Variants in DSCAM observed in about 807,000 individuals in gnomAD.
DSCAM encodes DS cell adhesion molecule.
A neutral mutation model predicts 217.7 loss-of-function variants in DSCAM; 47 were observed. That is an observed-to-expected ratio of 0.22 (90% CI 0.17 to 0.28). The LOEUF (loss-of-function observed/expected upper bound fraction) is 0.28, where lower values mean the gene tolerates loss of function less well. Ranked by LOEUF, DSCAM falls within the 10% of genes least tolerant of loss-of-function variation. The probability of loss-of-function intolerance (pLI) is 1.00; values close to 1 mark genes in which losing one functional copy is unlikely to be tolerated. For synonymous variants in DSCAM, 1,056 were observed against 1,015.3 expected, an observed-to-expected ratio of 1.04 and a Z score of -0.76; for missense variants, 2,080 against 2,618.3, an observed-to-expected ratio of 0.79 and a Z score of 4.49.
chr21:40,121,681 C>CTTTTTTTT (rs201672838), intron 20 of DSCAM, among the ~76,000 whole-genome samples: 1,166 of 73,666 alleles, frequency 0.016, 179 homozygotes, highest in Non-Finnish European at 0.024. Flanking sequence ...TCATTACTGT[C>CTTTTTTTT]TTTTTTTTTT....
At chr21:40,579,825 A>AG (rs1360534019) in intron 3 of DSCAM, among the ~76,000 whole-genome samples, 1 of 113,040 alleles carries the variant, frequency 8.8e-6, no homozygotes, top group African/African-American at 3.0e-5. Flanking sequence ...TCAGACCTTC[A>AG]CCACAAAAAA....
Position 40,168,183 on chromosome 21 carries a change from T to G in DSCAM, c.2948-895A>C, listed in dbSNP as rs117358643. 2.0e-5 allele frequency among the ~76,000 whole-genome samples: 3 copies of G among 152,318 alleles called. No individual in the cohort carries two copies. In the East Asian group the frequency reaches 5.8e-4, roughly 29 times the overall value. On this transcript the variant is annotated intron_variant, in intron 15 of 32. Transcript: ENST00000400454. ...GCAATTTAAAGCAACCTATTTCTGC[T>G]GAGTGTGCAATAAGTCAGTGGGCCA...
At chr21:40,636,244 AGACATTTATGCGG>A (rs1369820776) in intron 3 of DSCAM, among the ~76,000 whole-genome samples, 3 of 152,080 alleles carry the variant, frequency 2.0e-5, no homozygotes, top group Non-Finnish European at 4.4e-5. Flanking sequence ...CACGGAGCCA[AGACATTTATGCGG>A]AGCTCAAAGG....
At chr21:40,279,206 A>T (rs1429154355) in intron 10 of DSCAM, among the ~76,000 whole-genome samples, 3 of 152,230 alleles carry the variant, frequency 2.0e-5, no homozygotes, top group Non-Finnish European at 4.4e-5. Context: ...GTATTTTATA[A>T]AGTGAGACTA....
chr21:40,117,296 C>A lies in DSCAM; in HGVS notation c.3696+6899G>T, dbSNP rs115135108. ...ACAATACCAGGTTTGCCAGTCTATG[C>A]CCATGTCTAACAATAACGCAAGAGA... On this transcript the variant is annotated intron_variant, in intron 20 of 32. Coordinates refer to ENST00000400454, the MANE Select transcript of DSCAM (RefSeq NM_001389.5). 5.1e-3 allele frequency among the ~76,000 whole-genome samples: 782 copies of A among 152,204 alleles called. 9 individuals are homozygous for A. Among genetic ancestry groups the A allele is most frequent in the African/African-American group, 0.017 (724 of 41,520 alleles).
At chr21:40,059,541 T>G (rs2089081777) in intron 28 of DSCAM, among the ~76,000 whole-genome samples, 1 of 152,214 alleles carries the variant, frequency 6.6e-6, no homozygotes, top group Non-Finnish European at 1.5e-5. Flanking sequence ...GGGTATGTTC[T>G]GCTGTCCAAT....
intron 3 of DSCAM, among the ~76,000 whole-genome samples, chr21:40,447,427 C>T (rs1039127067): frequency 6.6e-5 from 10 of 152,194 alleles, no homozygotes; most frequent in African/African-American, 2.4e-4. Context: ...GGTACCATTA[C>T]TGTTCGTGTG....
chr21:40,303,967 C>A (rs921114461), intron 9 of DSCAM, among the ~76,000 whole-genome samples: 3 of 152,102 alleles, frequency 2.0e-5, no homozygotes, highest in African/African-American at 7.2e-5. Context: ...CTAGAGACCA[C>A]AACAGGAAGC....
chr21:40,035,635 G>C (rs1371754963), intron 32 of DSCAM, among the ~76,000 whole-genome samples: 1 of 148,400 alleles, frequency 6.7e-6, no homozygotes, highest in African/African-American at 2.6e-5. Flanking sequence ...GGATACCCAG[G>C]AATTGAACTC....
At chr21:40,211,392 T>C (rs1333686342) in intron 11 of DSCAM, among the ~76,000 whole-genome samples, 2 of 152,222 alleles carry the variant, frequency 1.3e-5, no homozygotes, top group African/African-American at 4.8e-5. Context: ...TTCTTTGGGA[T>C]AAATGCTTAA....
chr21:40,148,091 C>A (rs1423959087), intron 16 of DSCAM, among the ~76,000 whole-genome samples: 3 of 152,102 alleles, frequency 2.0e-5, no homozygotes, highest in African/African-American at 4.8e-5. Context: ...TCACAAGGAA[C>A]AAACAAGAGA....
intron 2 of DSCAM, among the ~76,000 whole-genome samples, chr21:40,705,062 G>C (rs1260433735): frequency 6.6e-6 from 1 of 152,172 alleles, no homozygotes; most frequent in Non-Finnish European, 1.5e-5. Flanking sequence ...GGATGATTTA[G>C]CAGGATTCTT....
chr21:40,468,366 T>C (rs1465738940), intron 3 of DSCAM, among the ~76,000 whole-genome samples: 1 of 152,070 alleles, frequency 6.6e-6, no homozygotes, highest in Non-Finnish European at 1.5e-5. Context: ...GTTAATTTCA[T>C]AGCAGAGACA....
At position 40,142,606 on chromosome 21, in the gene DSCAM, T is replaced by C; in HGVS notation, c.3358A>G (p.Ile1120Val). 2 of 1,614,170 alleles carry C rather than the reference T, an allele frequency of 1.2e-6. No individual in the cohort carries two copies. The highest frequency in any genetic ancestry group is 1.7e-6 in the Non-Finnish European group (2 of 1,180,012). Residue 1120 changes from isoleucine (I) to valine (V), a missense_variant, in exon 18 of 33, where the codon ATT becomes GTT. By Grantham distance (29) the Ile-to-Val change is conservative. Around this residue, in one of 5 missense-constraint regions of DSCAM, gnomAD observed 1,144 missense variants for 1,421.1 expected, o/e 0.81. Transcript: ENST00000400454. ...TAAATGACTCTGAACCCCTGGAGAA[T>C]TCCATTCAAGGCTTCCTTGGAAAGT... ...STLSKEALNG[I>V]LQGFRVIYWA...
intron 16 of DSCAM, among the ~76,000 whole-genome samples, chr21:40,145,493 G>A (rs2090343903): frequency 6.6e-6 from 1 of 152,126 alleles, no homozygotes; most frequent in Admixed American, 6.5e-5. Context: ...TGGTCCACCA[G>A]GTCAAAGTAG....
intron 1 of DSCAM, among the ~76,000 whole-genome samples, chr21:40,747,617 A>G (rs2091187847): frequency 6.6e-6 from 1 of 151,906 alleles, no homozygotes; most frequent in Non-Finnish European, 1.5e-5. Flanking sequence ...GATAAATTCT[A>G]CCAAACATTT....
intron 3 of DSCAM, among the ~76,000 whole-genome samples, chr21:40,476,605 G>A (rs970026323): frequency 6.6e-6 from 1 of 152,176 alleles, no homozygotes; most frequent in African/African-American, 2.4e-5. Context: ...TGTGCTTAAG[G>A]TGAGGACAGA....
At chr21:40,788,504 T>G (rs2837819) in intron 1 of DSCAM, among the ~76,000 whole-genome samples, 31,461 of 152,152 alleles carry the variant, frequency 0.21, 4,194 homozygotes, top group African/African-American at 0.38. Flanking sequence ...AGAAACTCAT[T>G]CATCTCTTAT....
At position 40,422,596 on chromosome 21, in the gene DSCAM, C is replaced by G. The variant is rs1315216088; in HGVS notation, c.509-53351G>C. 2.6e-5 allele frequency among the ~76,000 whole-genome samples: 4 copies of G among 152,238 alleles called. No individual in the cohort carries two copies. In the East Asian group the frequency reaches 5.8e-4, roughly 22 times the overall value. ...GGCGGAGGTTGCAGTGAGCCAAGAT[C>G]GCGCCACTGCCCTCCAGCCTGGGTG... On this transcript the variant is annotated intron_variant, in intron 3 of 32. Transcript: ENST00000400454.
Sources: gnomAD v4.1 joint callset for allele counts (sites outside exome capture counted in the v4.1 genomes callset) on GRCh38, gnomAD v4.1.1 for gene constraint, gnomAD v4.1.1 regional missense constraint, MANE v1.5 for transcripts, NCBI Gene and HGNC (gene_info 2026-07-23, HGNC 2026-07-21) for gene names.